The following PGK1 variants were observed in gnomAD, a reference collection of about 807,000 sequenced individuals.
PGK1 encodes the protein PRP 2.
Under a neutral mutation model 26.9 loss-of-function variants are expected in PGK1, and 3 were observed. The ratio of observed to expected loss-of-function variants is 0.11; its 90% CI spans 0.05 to 0.29. The LOEUF (loss-of-function observed/expected upper bound fraction) is 0.29, where lower values mean the gene tolerates loss of function less well. Ranked by LOEUF, PGK1 falls within the 10% of genes least tolerant of loss-of-function variation. The pLI is 1.00. For synonymous variants in PGK1, 125 were observed against 115.3 expected (o/e 1.08, Z -0.54); for missense variants, 270 against 314.7 (o/e 0.86, Z 1.07).
chrX:78,111,029 A>T (rs1183980326), intron 2 of PGK1, among the ~76,000 whole-genome samples: 1 of 109,840 alleles, frequency 9.1e-6, no homozygotes, highest in Admixed American at 9.7e-5. Context: ...TGATAAAAGC[A>T]TGCAATACAT....
At chrX:78,109,439 A>G (rs2149130075) in intron 1 of PGK1, among the ~76,000 whole-genome samples, 1 of 111,332 alleles carries the variant, frequency 9.0e-6, no homozygotes, top group African/African-American at 3.3e-5. Flanking sequence ...CTACCCGGAT[A>G]CTATTGTGCC....
intron 1 of PGK1, among the ~76,000 whole-genome samples, chrX:78,108,741 G>T (rs1557246535): frequency 8.9e-6 from 1 of 112,295 alleles, no homozygotes; most frequent in Non-Finnish European, 1.9e-5. Flanking sequence ...ATACTTCACT[G>T]TAGTCCCTTT....
intron 10 of PGK1, 53 bp downstream of exon 10, chrX:78,125,478 G>A (rs2078378590): frequency 2.5e-6 from 2 of 808,493 alleles, no homozygotes; most frequent in African/African-American, 4.1e-5. Context: ...ACTGTGCAGT[G>A]AGAGGTGGGT....
At chrX:78,108,564 T>C (rs781855793) in intron 1 of PGK1, among the ~76,000 whole-genome samples, 1 of 112,144 alleles carries the variant, frequency 8.9e-6, no homozygotes, top group Non-Finnish European at 1.9e-5. Context: ...TTCAGTGAGG[T>C]AGATTGGAGT....
Position 78,128,821 on chromosome X carries a change from C to A in PGK1, c.*2991C>A, listed in dbSNP as rs1403263163. The A allele has an allele frequency of 9.0e-6, 1 of 111,595 alleles. No individual in the cohort carries two copies. Among genetic ancestry groups the A allele is most frequent in the Non-Finnish European group, 1.9e-5 (1 of 53,197 alleles). 9.2% of individuals were successfully genotyped at this position (111,595 alleles called of 1,213,427 possible). A position where few individuals can be genotyped will look rare whatever the true frequency, so the allele number is the denominator to read the frequency against. On this transcript the variant is annotated 3_prime_UTR_variant, in exon 11 of 11. Transcript: ENST00000373316. Reference sequence around the variant, plus strand: ...CAAAAAGGAGTATACAATGAAGACACCTTCCTCAGTCCCCTACCTACCAGT... The same window carrying A: ...CAAAAAGGAGTATACAATGAAGACAACTTCCTCAGTCCCCTACCTACCAGT...
chrX:78,120,965 T>G (rs868907997), intron 6 of PGK1, among the ~76,000 whole-genome samples: 1 of 112,434 alleles, frequency 8.9e-6, no homozygotes, highest in Admixed American at 9.4e-5. Flanking sequence ...TCTGAAAATA[T>G]GAAATCTGAA....
intron 10 of PGK1, 80 bp from the exon 11 acceptor site, chrX:78,125,710 G>A (rs2078380061): frequency 1.2e-6 from 1 of 852,771 alleles, no homozygotes; most frequent in African/African-American, 2.0e-5. Flanking sequence ...GCATGTTATT[G>A]GGAAGATAAA....
rs782246038 is a variant in PGK1 at position 78,114,127 on chromosome X, A to G, written c.384A>G (p.Glu128=). 1.9e-5 allele frequency: 23 copies of G among 1,209,338 alleles called. No individual in the cohort carries two copies. Among genetic ancestry groups the G allele is most frequent in the Non-Finnish European group, 2.2e-5 (20 of 894,541 alleles). ...AGAACCTCCGCTTTCATGTGGAGGA[A>G]GAAGGGAAGGGAAAAGATGCTTCTG... is the stretch of plus-strand genomic sequence containing the variant. The part of the protein sequence containing the change: ...LLENLRFHVE[E]EGKGKDASGN... The change falls in exon 4 of 11, where the codon GAA becomes GAG. Residue 128 remains glutamate, a synonymous_variant. Coordinates refer to ENST00000373316, the MANE Select transcript of PGK1 (RefSeq NM_000291.4).
At position 78,119,755 on chromosome X, in the gene PGK1, G is replaced by A. The variant is rs150420070; in HGVS notation, c.641+1585G>A. On this transcript the variant is annotated intron_variant, in intron 6 of 10. Coordinates refer to ENST00000373316, the MANE Select transcript of PGK1 (RefSeq NM_000291.4). The stretch of plus-strand genomic sequence containing the variant: ...GTGACTTGCTTCCCCTTTGCCTTCC[G>A]CCACGATTGTAAATTTCCTGAGGCC... Among the ~76,000 whole-genome samples the A allele has an allele frequency of 4.3e-4, 48 of 111,495 alleles. 2 individuals are homozygous for A. Among genetic ancestry groups the A allele is most frequent in the African/African-American group, 1.5e-3 (46 of 30,679 alleles).
rs1033024739 is a variant in PGK1, at chrX:78,104,258, C to T, written c.-83C>T. On this transcript the variant is annotated 5_prime_UTR_variant, in exon 1 of 11. Coordinates refer to ENST00000373316, the MANE Select transcript of PGK1 (RefSeq NM_000291.4). ...TCCTGCCCGCGCGGTGTTCCGCATTCTGCAAGCCTCCGGAGCGCACGTCGG... is the reference window on the plus strand; with the variant it reads ...TCCTGCCCGCGCGGTGTTCCGCATTTTGCAAGCCTCCGGAGCGCACGTCGG... 31 of 736,245 alleles carry T rather than the reference C, an allele frequency of 4.2e-5. No individual in the cohort carries two copies. The highest frequency in any genetic ancestry group is 5.9e-5 in the Non-Finnish European group (28 of 470,708). 60.7% of individuals were successfully genotyped at this position (736,245 alleles called of 1,213,427 possible). A position where few individuals can be genotyped will look rare whatever the true frequency, so the allele number is the denominator to read the frequency against.
At position 78,128,382 on chromosome X, in the gene PGK1, A is replaced by G. The variant is rs1283923005; in HGVS notation, c.*2552A>G. 1 of 112,885 alleles carries G rather than the reference A, an allele frequency of 8.9e-6. No individual in the cohort carries two copies. The highest frequency in any genetic ancestry group is 1.9e-5 in the Non-Finnish European group (1 of 53,373). The allele number at this position is 112,885 out of a possible 1,213,427, so 9.3% of individuals were successfully genotyped here. A position where few individuals can be genotyped will look rare whatever the true frequency, so the allele number is the denominator to read the frequency against. ...ACATGGTGAAACCCCGTTTCTACCA[A>G]AAATACAAAAATTAGCCGGGCGTGG... On this transcript the variant is annotated 3_prime_UTR_variant, in exon 11 of 11. Transcript: ENST00000373316.
At chrX:78,123,468 CA>C (rs2078367059) in intron 8 of PGK1, 94 bp downstream of exon 8, 11 of 698,934 alleles carry the variant, frequency 1.6e-5, no homozygotes, top group Non-Finnish European at 2.0e-5. Flanking sequence ...CATTTTAAAA[CA>C]ATCTCTATAG....
chrX:78,118,938 G>A (rs1274810785), intron 6 of PGK1, among the ~76,000 whole-genome samples: 2 of 111,743 alleles, frequency 1.8e-5, no homozygotes, highest in African/African-American at 6.5e-5. Context: ...GCGCAAGAAA[G>A]CTCCTTGATG....
At position 78,128,328 on chromosome X, in the gene PGK1, C is replaced by T. The variant is rs2078392153; in HGVS notation, c.*2498C>T. 8.8e-6 allele frequency: 1 copy of T among 113,155 alleles called. No homozygotes were observed. The highest frequency in any genetic ancestry group is 3.2e-5 in the African/African-American group (1 of 31,107). 9.3% of individuals were successfully genotyped at this position (113,155 alleles called of 1,213,427 possible). On this transcript the variant is annotated 3_prime_UTR_variant, in exon 11 of 11. Transcript: ENST00000373316. ...TGGGAGGCCAAGGCGGGCAGATCAC[C>T]TGTCAGGAGTTTGGGACCAGCCTGG...
chrX:78,123,657 G>A (rs2078368097), intron 8 of PGK1, among the ~76,000 whole-genome samples: 1 of 105,134 alleles, frequency 9.5e-6, no homozygotes, highest in South Asian at 4.3e-4. Context: ...TCACCAGGCT[G>A]GAGTGCAGTG....
At chrX:78,111,432 C>T (rs782484902) in intron 2 of PGK1, among the ~76,000 whole-genome samples, 1 of 112,243 alleles carries the variant, frequency 8.9e-6, no homozygotes, top group Non-Finnish European at 1.9e-5. Flanking sequence ...TTCTAATGAT[C>T]TAGACCAGTG....
intron 1 of PGK1, among the ~76,000 whole-genome samples, chrX:78,104,946 G>A (rs985738677): frequency 2.7e-5 from 3 of 111,987 alleles, no homozygotes; most frequent in Admixed American, 9.4e-5. Flanking sequence ...GGGTGGGAGG[G>A]TAGGGCGGGG....
intron 6 of PGK1, among the ~76,000 whole-genome samples, chrX:78,119,319 A>C (rs2078342244): frequency 1.8e-5 from 2 of 112,304 alleles, no homozygotes; most frequent in South Asian, 7.4e-4. Flanking sequence ...TTAGTTAAAA[A>C]TAGAAATTTC....
chrX:78,121,854 G>A (rs1271966345), intron 6 of PGK1, among the ~76,000 whole-genome samples: 2 of 111,794 alleles, frequency 1.8e-5, no homozygotes, highest in Non-Finnish European at 3.8e-5. Context: ...CACAGAGTAG[G>A]TGCCCAGTAA....
Sources: gnomAD v4.1 joint callset for allele counts (sites outside exome capture counted in the v4.1 genomes callset) on GRCh38, gnomAD v4.1.1 for gene constraint, MANE v1.5 for transcripts, NCBI Gene and HGNC (gene_info 2026-07-23, HGNC 2026-07-21) for gene names.